ZNF469: variants seen among roughly 807,000 people sequenced by gnomAD.
ZNF469 encodes the protein zinc finger protein 469.
In ZNF469, 1 loss-of-function variant was observed where a neutral mutation model predicts 1.0. That is an observed-to-expected ratio of 1.00 (90% CI 0.35 to 4.73). The LOEUF (loss-of-function observed/expected upper bound fraction) is 4.73, where lower values mean the gene tolerates loss of function less well. Ranked by LOEUF, ZNF469 falls within the 30% of genes most tolerant of loss-of-function variation. ZNF469 has a pLI of 0.16. For synonymous variants in ZNF469, 2,703 were observed against 2,363.4 expected, an observed-to-expected ratio of 1.14 and a Z score of -4.17; for missense variants, 6,100 against 5,356.3, an observed-to-expected ratio of 1.14 and a Z score of -4.33.
chr16:88,421,152 G>T (rs1905444113), intron 1 of ZNF469, among the ~76,000 whole-genome samples: 7 of 152,146 alleles, frequency 4.6e-5, no homozygotes, highest in Admixed American at 4.6e-4. Flanking sequence ...CAGGGGTGGG[G>T]CAGAAGCGTG....
chr16:88,352,950 C>G, the ZNF469 span, among the ~76,000 whole-genome samples: 3 of 152,262 alleles, frequency 2.0e-5, no homozygotes, highest in East Asian at 5.8e-4. Flanking sequence ...AGAGCCAGGC[C>G]CAGCCTGGGG....
At chr16:88,256,931 T>TCTCTCTCTC in the ZNF469 span, among the ~76,000 whole-genome samples, 1 of 3,236 alleles carries the variant, frequency 3.1e-4, no homozygotes, top group Non-Finnish European at 1.5e-3. Flanking sequence ...TCTTTCTTTC[T>TCTCTCTCTC]TTCTTTCTTT....
the ZNF469 span, among the ~76,000 whole-genome samples, chr16:88,375,896 A>G: frequency 6.6e-6 from 1 of 152,260 alleles, no homozygotes; most frequent in Non-Finnish European, 1.5e-5. Flanking sequence ...CTTTAATGTC[A>G]CTAAAGGGAA....
At position 88,427,676 on chromosome 16, in the gene ZNF469, G is replaced by A. The variant is rs1375404676; in HGVS notation, c.206G>A (p.Arg69Lys). The A allele has an allele frequency of 1.3e-6, 2 of 1,534,264 alleles. No homozygotes were observed. Among genetic ancestry groups the A allele is most frequent in the Non-Finnish European group, 8.7e-7 (1 of 1,143,498 alleles). ...ELPEAQPRQA[R>K]DGELKPPSLR... ...CCCGAGGCCCAGCCAAGGCAGGCCAGGGACGGGGAGCTCAAGCCCCCATCC... is the reference window on the plus strand; with the variant it reads ...CCCGAGGCCCAGCCAAGGCAGGCCAAGGACGGGGAGCTCAAGCCCCCATCC... Residue 69 changes from arginine (R) to lysine (K), a missense_variant, in exon 3 of 3, where the codon AGG (arginine) becomes AAG (lysine). Physicochemically the swap from Arg to Lys is conservative, Grantham distance 26 (BLOSUM62 2). Coordinates refer to ENST00000565624, the MANE Select transcript of ZNF469 (RefSeq NM_001367624.2).
chr16:88,436,627 T>A lies in ZNF469; in HGVS notation c.9157T>A (p.Phe3053Ile). Residue 3053 changes from phenylalanine (F) to isoleucine (I), a missense_variant, in exon 3 of 3, where the codon TTT becomes ATT. Coordinates refer to ENST00000565624, the MANE Select transcript of ZNF469 (RefSeq NM_001367624.2). Reference sequence around the variant, plus strand: ...GGACTTTGAGGTGCTCAGCACCAAGTTTGAGATGCAAGACCTGTGCTTTCT... The same window carrying A: ...GGACTTTGAGGTGCTCAGCACCAAGATTGAGATGCAAGACCTGTGCTTTCT... Reference protein sequence around the residue: ...ATDFEVLSTKFEMQDLCFLGP... With the variant: ...ATDFEVLSTKIEMQDLCFLGP... 6.5e-7 allele frequency: 1 copy of A among 1,550,330 alleles called. No homozygotes were observed. Among genetic ancestry groups the A allele is most frequent in the Non-Finnish European group, 8.7e-7 (1 of 1,146,948 alleles).
At chr16:88,187,874 C>T in the ZNF469 span, among the ~76,000 whole-genome samples, 1 of 152,026 alleles carries the variant, frequency 6.6e-6, no homozygotes, top group Non-Finnish European at 1.5e-5. Flanking sequence ...CATTGACTGC[C>T]CTCTCCTCCT....
chr16:88,104,187 C>T, the ZNF469 span, among the ~76,000 whole-genome samples: 3 of 151,266 alleles, frequency 2.0e-5, no homozygotes, highest in African/African-American at 4.9e-5. Context: ...GGGAAGCTTC[C>T]GGGCCTTGCC....
At chr16:88,421,587 C>T (rs1597201999) in intron 1 of ZNF469, among the ~76,000 whole-genome samples, 1 of 152,216 alleles carries the variant, frequency 6.6e-6, no homozygotes, top group Non-Finnish European at 1.5e-5. Flanking sequence ...GGCAAATGTC[C>T]CTGCTGTCCT....
the ZNF469 span, among the ~76,000 whole-genome samples, chr16:88,348,405 A>G: frequency 1.3e-5 from 2 of 152,170 alleles, no homozygotes; most frequent in Admixed American, 6.5e-5. Context: ...ACCCAGCTCC[A>G]TGACACCAGA....
At chr16:88,198,485 G>A in the ZNF469 span, among the ~76,000 whole-genome samples, 4 of 152,370 alleles carry the variant, frequency 2.6e-5, no homozygotes, top group East Asian at 3.9e-4. Context: ...TGAGTCACAC[G>A]TGACTGTCGA....
chr16:88,343,398 G>A, the ZNF469 span, among the ~76,000 whole-genome samples: 1 of 152,160 alleles, frequency 6.6e-6, no homozygotes, highest in Non-Finnish European at 1.5e-5. Context: ...GTACATAGAC[G>A]CTTGCCCAGG....
At chr16:88,351,406 G>A in the ZNF469 span, among the ~76,000 whole-genome samples, 12,084 of 152,246 alleles carry the variant, frequency 0.079, 557 homozygotes, top group East Asian at 0.13. Flanking sequence ...GTTAAATTCA[G>A]GGGATCTGAG....
the ZNF469 span, among the ~76,000 whole-genome samples, chr16:88,290,856 G>A: frequency 2.0e-5 from 3 of 152,178 alleles, no homozygotes; most frequent in African/African-American, 7.2e-5. Context: ...TGGACATCAG[G>A]CCACCCCCAC....
In ZNF469 at chr16:88,424,222, A is replaced by C. The variant is rs1905604493; in HGVS notation, c.-191-585A>C. ...GAGGACGAGTGGACAGAGAGTGAGA[A>C]ACCTCTTCACGGAATGTTGTGGGAT... is the stretch of plus-strand genomic sequence containing the variant. On this transcript the variant is annotated intron_variant, in intron 1 of 2. Transcript: ENST00000565624. The surrounding 1 kb of genome is among the most constrained non-coding windows in gnomAD (Gnocchi z 4.3). Among the ~76,000 whole-genome samples the C allele has an allele frequency of 6.6e-6, 1 of 152,224 alleles. No homozygotes were observed. Among genetic ancestry groups the C allele is most frequent in the African/African-American group, 2.4e-5 (1 of 41,462 alleles).
the ZNF469 span, among the ~76,000 whole-genome samples, chr16:88,224,620 G>A: frequency 6.6e-6 from 1 of 152,232 alleles, no homozygotes; most frequent in Non-Finnish European, 1.5e-5. Flanking sequence ...ACACGCAGCA[G>A]GAGGGCGTCT....
chr16:88,321,698 T>G, the ZNF469 span, among the ~76,000 whole-genome samples: 1 of 151,684 alleles, frequency 6.6e-6, no homozygotes, highest in East Asian at 1.9e-4. Flanking sequence ...TGGCCTCAGA[T>G]TCTGCATGTA....
chr16:88,132,475 G>T, the ZNF469 span, among the ~76,000 whole-genome samples: 14 of 152,184 alleles, frequency 9.2e-5, no homozygotes, highest in African/African-American at 3.4e-4. Context: ...CATGGGGCTC[G>T]AGAGACTGAG....
chr16:88,387,540 G>A (rs1599343676), intron 1 of ZNF469, among the ~76,000 whole-genome samples: 1 of 152,234 alleles, frequency 6.6e-6, no homozygotes, highest in Non-Finnish European at 1.5e-5. Context: ...GCGGCTTGGG[G>A]GCTGTGACCC....
the ZNF469 span, among the ~76,000 whole-genome samples, chr16:88,138,949 G>C: frequency 6.6e-6 from 1 of 152,258 alleles, no homozygotes; most frequent in African/African-American, 2.4e-5. Context: ...ATGCTAGAGG[G>C]AGGCCTCTGG....
Sources: gnomAD v4.1 joint callset for allele counts (sites outside exome capture counted in the v4.1 genomes callset) on GRCh38, gnomAD v4.1.1 for gene constraint, Gnocchi (gnomAD v3.1) non-coding constraint, MANE v1.5 for transcripts, NCBI Gene and HGNC (gene_info 2026-07-23, HGNC 2026-07-21) for gene names.